CADM2: variants seen among roughly 807,000 people sequenced by gnomAD.
CADM2 encodes immunoglobulin superfamily member 4D.
CADM2 carries 12 observed loss-of-function variants against 49.8 expected under a neutral mutation model. That is an observed-to-expected ratio of 0.24 (90% confidence interval 0.15 to 0.39). CADM2 has a LOEUF of 0.39. Among genes scored for constraint, CADM2 ranks in the 10% least tolerant of loss-of-function variants. The pLI is 1.00. For synonymous variants in CADM2, 214 were observed against 175.4 expected, an observed-to-expected ratio of 1.22 and a Z score of -1.74; for missense variants, 378 against 492.3, an observed-to-expected ratio of 0.77 and a Z score of 2.20.
intron 1 of CADM2, among the ~76,000 whole-genome samples, chr3:85,458,385 T>C (rs2038092053): frequency 6.6e-6 from 1 of 152,168 alleles, no homozygotes; most frequent in Admixed American, 6.5e-5. Flanking sequence ...AGTTCTGGTG[T>C]AAAAACAACA....
At chr3:85,885,269 GCTCTTGC>G (rs1713424937) in intron 4 of CADM2, among the ~76,000 whole-genome samples, 1 of 151,824 alleles carries the variant, frequency 6.6e-6, no homozygotes, top group Non-Finnish European at 1.5e-5. Flanking sequence ...AGGCACGGTG[GCTCTTGC>G]CTGTAATCCC....
chr3:85,000,598 A>G lies in CADM2; in HGVS notation c.61+40930A>G, dbSNP rs191289805. 1.3e-4 allele frequency among the ~76,000 whole-genome samples: 20 copies of G among 152,252 alleles called. No individual in the cohort carries two copies. The East Asian group carries it at 3.5e-3, about 26-fold the overall frequency. On this transcript the variant is annotated intron_variant, in intron 1 of 9. Transcript: ENST00000383699. ...CTAAAAGATGAATAGGAGAGTCTCA[A>G]TGTTCAAAGTTTTAAACCCATGATT... is the stretch of plus-strand genomic sequence containing the variant.
intron 1 of CADM2, among the ~76,000 whole-genome samples, chr3:85,025,646 A>G (rs2034690855): frequency 6.6e-6 from 1 of 152,182 alleles, no homozygotes; most frequent in Admixed American, 6.5e-5. Flanking sequence ...TGCATAGCGC[A>G]TTAGAGCTTA....
At chr3:84,990,571 T>C (rs2032830600) in intron 1 of CADM2, among the ~76,000 whole-genome samples, 1 of 151,994 alleles carries the variant, frequency 6.6e-6, no homozygotes, top group South Asian at 2.1e-4. Context: ...ATAGAAATTA[T>C]GGTTGCTTGG....
At chr3:85,111,018 C>G (rs1575891256) in intron 1 of CADM2, among the ~76,000 whole-genome samples, 1 of 151,734 alleles carries the variant, frequency 6.6e-6, no homozygotes, top group South Asian at 2.1e-4. Flanking sequence ...TTTATGTAAG[C>G]AACTTTTTAA....
chr3:85,092,971 C>A (rs564696750), intron 1 of CADM2, among the ~76,000 whole-genome samples: 1 of 152,078 alleles, frequency 6.6e-6, no homozygotes, highest in Non-Finnish European at 1.5e-5. Context: ...GAATAACATG[C>A]CTTTTGTTAT....
chr3:84,995,394 A>C (rs1226483871), intron 1 of CADM2, among the ~76,000 whole-genome samples: 1 of 152,236 alleles, frequency 6.6e-6, no homozygotes, highest in African/African-American at 2.4e-5. Context: ...TCTGGGATTA[A>C]TACAATTTTA....
chr3:84,973,054 C>T (rs995512437), intron 1 of CADM2, among the ~76,000 whole-genome samples: 4 of 152,130 alleles, frequency 2.6e-5, no homozygotes, highest in Admixed American at 2.6e-4. Flanking sequence ...GCTGAGACTA[C>T]AGGCACGTGC....
chr3:85,197,058 A>G (rs1334794260), intron 1 of CADM2, among the ~76,000 whole-genome samples: 1 of 151,980 alleles, frequency 6.6e-6, no homozygotes, highest in African/African-American at 2.4e-5. Flanking sequence ...ATTATCAGTT[A>G]CCACTTACAG....
chr3:85,919,844 T>A (rs763697221), intron 6 of CADM2, among the ~76,000 whole-genome samples: 6 of 151,926 alleles, frequency 3.9e-5, no homozygotes, highest in Non-Finnish European at 5.9e-5. Flanking sequence ...ATGAAATTGA[T>A]TTAAAATAAA....
intron 1 of CADM2, among the ~76,000 whole-genome samples, chr3:85,394,313 A>C (rs746469675): frequency 5.9e-5 from 9 of 152,170 alleles, no homozygotes; most frequent in Non-Finnish European, 1.3e-4. Flanking sequence ...CATAATTAAA[A>C]TAAAATGAAC....
intron 8 of CADM2, chr3:86,013,923 T>C: frequency 6.3e-7 from 1 of 1,588,468 alleles, no homozygotes; most frequent in Non-Finnish European, 8.6e-7. Flanking sequence ...CTGAACTTCC[T>C]GTGCCTTAAA....
chr3:85,498,104 A>G (rs1003752919), intron 1 of CADM2, among the ~76,000 whole-genome samples: 1 of 151,796 alleles, frequency 6.6e-6, no homozygotes, highest in African/African-American at 2.4e-5. Context: ...ACAAGGTGAC[A>G]TTCTGCCATT....
At chr3:85,240,744 T>A (rs1303200434) in intron 1 of CADM2, among the ~76,000 whole-genome samples, 1 of 151,580 alleles carries the variant, frequency 6.6e-6, no homozygotes, top group Non-Finnish European at 1.5e-5. Flanking sequence ...CTCAATTTGC[T>A]AAGACACCTA....
intron 8 of CADM2, among the ~76,000 whole-genome samples, chr3:86,038,320 G>C (rs572284800): frequency 6.6e-6 from 1 of 152,140 alleles, no homozygotes; most frequent in Admixed American, 6.5e-5. Context: ...AGCTTTGTTT[G>C]CCTCTTAGAA....
At chr3:85,672,963 C>T (rs1035564617) in intron 1 of CADM2, among the ~76,000 whole-genome samples, 2 of 152,146 alleles carry the variant, frequency 1.3e-5, no homozygotes. Flanking sequence ...CTGTAGTTTT[C>T]CCCTTGACTA....
chr3:84,964,918 G>C (rs2030858114), intron 1 of CADM2, among the ~76,000 whole-genome samples: 1 of 152,062 alleles, frequency 6.6e-6, no homozygotes, highest in African/African-American at 2.4e-5. Flanking sequence ...CATTTTGTAA[G>C]CTATATTGGT....
At chr3:85,691,727 A>C (rs893212224) in intron 1 of CADM2, among the ~76,000 whole-genome samples, 3 of 152,294 alleles carry the variant, frequency 2.0e-5, no homozygotes, top group East Asian at 3.9e-4. Flanking sequence ...AACCAACCCA[A>C]ATGTCCAACA....
At chr3:85,093,366 C>T (rs754675184) in intron 1 of CADM2, among the ~76,000 whole-genome samples, 3 of 151,830 alleles carry the variant, frequency 2.0e-5, no homozygotes, top group Non-Finnish European at 4.4e-5. Flanking sequence ...CAAAAATTAG[C>T]TCGGCGTGGT....
Sources: allele counts gnomAD v4.1 joint callset (sites outside exome capture counted in the v4.1 genomes callset), GRCh38; gene constraint gnomAD v4.1.1; transcripts MANE v1.5; gene names NCBI Gene and HGNC (gene_info 2026-07-23, HGNC 2026-07-21).